TYW1: variants seen among roughly 807,000 people sequenced by gnomAD.
TYW1 encodes tRNA-yW synthesizing protein 1 homolog, also known as S-adenosyl-L-methionine-dependent tRNA 4-demethylwyosine synthase TYW1.
TYW1 carries 46 observed loss-of-function variants against 96.2 expected under a neutral mutation model. The ratio of observed to expected loss-of-function variants is 0.48; its 90% CI spans 0.38 to 0.61. The LOEUF is 0.61. Among genes scored for constraint, TYW1 ranks in the 20% least tolerant of loss-of-function variants. The pLI is 0.00. For synonymous variants in TYW1, 274 were observed against 323.0 expected, an observed-to-expected ratio of 0.85 and a Z score of 1.63; for missense variants, 684 against 909.6, an observed-to-expected ratio of 0.75 and a Z score of 3.19.
intron 13 of TYW1, among the ~76,000 whole-genome samples, chr7:67,167,056 G>A (rs1388656012): frequency 6.6e-6 from 1 of 152,176 alleles, no homozygotes; most frequent in Non-Finnish European, 1.5e-5. Context: ...AGGAGTAAAT[G>A]TCCCTTTCTG....
At chr7:67,109,740 T>C (rs968270909) in intron 12 of TYW1, among the ~76,000 whole-genome samples, 12 of 151,690 alleles carry the variant, frequency 7.9e-5, no homozygotes, top group South Asian at 2.1e-4. Flanking sequence ...ATTAGCCGGG[T>C]GTGGTGGCGG....
At chr7:67,194,816 T>G (rs1259676016) in intron 14 of TYW1, among the ~76,000 whole-genome samples, 7 of 147,226 alleles carry the variant, frequency 4.8e-5, no homozygotes, top group South Asian at 2.2e-4. Flanking sequence ...TGATAACCCC[T>G]TCATAATTCC....
intron 13 of TYW1, among the ~76,000 whole-genome samples, chr7:67,125,872 G>T (rs1285987327): frequency 6.6e-6 from 1 of 152,110 alleles, no homozygotes. Flanking sequence ...TGCATTTAAG[G>T]TTCCTTTCAT....
intron 13 of TYW1, among the ~76,000 whole-genome samples, chr7:67,138,623 C>G (rs905629497): frequency 2.6e-5 from 4 of 152,058 alleles, no homozygotes; most frequent in African/African-American, 7.2e-5. Context: ...CCTCCCAACA[C>G]CCCCACTACC....
intron 10 of TYW1, among the ~76,000 whole-genome samples, chr7:67,077,514 C>G (rs201884535): frequency 3.9e-5 from 6 of 152,172 alleles, no homozygotes; most frequent in Non-Finnish European, 8.8e-5. Context: ...AAAAATGTGT[C>G]TGTTGGCTAC....
At chr7:67,051,275 A>G (rs1423850167) in intron 8 of TYW1, among the ~76,000 whole-genome samples, 1 of 151,842 alleles carries the variant, frequency 6.6e-6, no homozygotes, top group Non-Finnish European at 1.5e-5. Context: ...TTCTTTCTTA[A>G]CCCATATGTA....
chr7:67,138,053 T>A (rs1798324406), intron 13 of TYW1, among the ~76,000 whole-genome samples: 1 of 152,146 alleles, frequency 6.6e-6, no homozygotes. Context: ...TTTCTGAGAA[T>A]GGGCTGGCCA....
At chr7:67,095,945 G>T (rs947136959) in intron 11 of TYW1, among the ~76,000 whole-genome samples, 28 of 152,148 alleles carry the variant, frequency 1.8e-4, no homozygotes, top group African/African-American at 3.9e-4. Flanking sequence ...TTTCATAAAT[G>T]AGGATAAAGG....
intron 9 of TYW1, among the ~76,000 whole-genome samples, chr7:67,059,296 G>T (rs1795623792): frequency 1.3e-5 from 2 of 151,228 alleles, no homozygotes; most frequent in South Asian, 4.2e-4. Flanking sequence ...GTAGAGACGG[G>T]GTTTCACCTT....
At chr7:67,126,092 G>T (rs1456789881) in intron 13 of TYW1, among the ~76,000 whole-genome samples, 1 of 151,206 alleles carries the variant, frequency 6.6e-6, no homozygotes, top group Non-Finnish European at 1.5e-5. Context: ...GAGTGTAGTT[G>T]CTGGGTAGTT....
intron 15 of TYW1, among the ~76,000 whole-genome samples, chr7:67,204,369 T>A (rs1800700255): frequency 6.6e-6 from 1 of 152,158 alleles, no homozygotes; most frequent in Non-Finnish European, 1.5e-5. Flanking sequence ...ACTCTTCCAT[T>A]CTGTTGAACC....
intron 8 of TYW1, among the ~76,000 whole-genome samples, chr7:67,050,279 A>G (rs1331568414): frequency 1.3e-5 from 2 of 152,118 alleles, no homozygotes; most frequent in African/African-American, 2.4e-5. Flanking sequence ...GGATATTACT[A>G]TCAGTGTGGG....
At chr7:67,202,665 G>A (rs1800639434) in intron 15 of TYW1, among the ~76,000 whole-genome samples, 1 of 152,092 alleles carries the variant, frequency 6.6e-6, no homozygotes, top group South Asian at 2.1e-4. Flanking sequence ...CCAAAGTGCT[G>A]GGATTACAGA....
chr7:67,004,578 C>A (rs991052356), intron 3 of TYW1, among the ~76,000 whole-genome samples: 1 of 152,188 alleles, frequency 6.6e-6, no homozygotes, highest in Non-Finnish European at 1.5e-5. Flanking sequence ...ACCAAATAAA[C>A]CTTTTTATGG....
intron 12 of TYW1, among the ~76,000 whole-genome samples, chr7:67,101,888 A>G (rs1563014292): frequency 6.6e-6 from 1 of 152,236 alleles, no homozygotes; most frequent in Admixed American, 6.5e-5. Flanking sequence ...TCATAAAGAT[A>G]TCTAAGCTAT....
intron 13 of TYW1, among the ~76,000 whole-genome samples, chr7:67,129,851 T>C (rs1798010178): frequency 6.6e-6 from 1 of 152,240 alleles, no homozygotes; most frequent in South Asian, 2.1e-4. Context: ...GGTTCTTTCC[T>C]AGCCCAGTTG....
chr7:67,002,972 T>C (rs1793457442), intron 3 of TYW1, among the ~76,000 whole-genome samples: 1 of 151,958 alleles, frequency 6.6e-6, no homozygotes, highest in East Asian at 1.9e-4. Flanking sequence ...GGTTTCTGCA[T>C]GTTGGCCAGG....
intron 10 of TYW1, among the ~76,000 whole-genome samples, chr7:67,077,584 T>G (rs1796245693): frequency 6.6e-6 from 1 of 152,178 alleles, no homozygotes; most frequent in Non-Finnish European, 1.5e-5. Context: ...AAAATCAGAT[T>G]ATTTGTGGGT....
At chr7:67,166,561 T>A (rs1180387417) in intron 13 of TYW1, among the ~76,000 whole-genome samples, 1 of 151,606 alleles carries the variant, frequency 6.6e-6, no homozygotes, top group Admixed American at 6.6e-5. Context: ...AAATAATTGC[T>A]ATTTTGATTG....
Sources: allele counts gnomAD v4.1 joint callset (sites outside exome capture counted in the v4.1 genomes callset), GRCh38; gene constraint gnomAD v4.1.1; transcripts MANE v1.5; gene names NCBI Gene and HGNC (gene_info 2026-07-23, HGNC 2026-07-21).